The following PLCG2 variants were observed in gnomAD, a reference collection of about 807,000 sequenced individuals.
PLCG2 encodes 1-phosphatidylinositol 4,5-bisphosphate phosphodiesterase gamma-2.
A neutral mutation model predicts 175.6 loss-of-function variants in PLCG2; 69 were observed. The ratio of observed to expected loss-of-function variants is 0.39; its 90% confidence interval spans 0.32 to 0.48. The LOEUF (loss-of-function observed/expected upper bound fraction) is 0.48. PLCG2 is among the 20% of genes least tolerant of loss of function. PLCG2 has a pLI of 0.91. For missense variants in PLCG2, 1,798 were observed against 1,650.9 expected (o/e 1.09, Z -1.54); for synonymous variants, 827 against 624.0 (o/e 1.33, Z -4.85).
At chr16:81,926,723 C>G (rs1036880329) in intron 22 of PLCG2, among the ~76,000 whole-genome samples, 6 of 152,148 alleles carry the variant, frequency 3.9e-5, no homozygotes, top group African/African-American at 1.4e-4. Flanking sequence ...GCCTGTCTGC[C>G]TCCAGAACCA....
chr16:81,739,093 C>T (rs1909526267), upstream of PLCG2: 1 of 151,962 alleles, frequency 6.6e-6, no homozygotes, highest in Non-Finnish European at 1.5e-5. Context: ...GCCGTCGGGC[C>T]TTCTCCCTCC....
chr16:81,805,802 GTTA>G (rs778100667), intron 2 of PLCG2, among the ~76,000 whole-genome samples: 10 of 64,500 alleles, frequency 1.6e-4, no homozygotes, highest in Non-Finnish European at 1.9e-4. Flanking sequence ...TTTTTTTGCT[GTTA>G]TTGTTGTTTT....
chr16:81,940,203 T>A, intron 30 of PLCG2, 144 bp downstream of exon 30: 1 of 617,480 alleles, frequency 1.6e-6, no homozygotes, highest in Non-Finnish European at 2.7e-6. Flanking sequence ...GGAGAGCAGG[T>A]GTACAGCCTG....
chr16:81,776,393 G>A (rs1051768491), upstream of PLCG2, among the ~76,000 whole-genome samples: 2 of 151,970 alleles, frequency 1.3e-5, no homozygotes, highest in Non-Finnish European at 1.5e-5. Flanking sequence ...ACAGGCGTGA[G>A]CCACCGCGCC....
At chr16:81,871,235 C>G (rs28489594) in intron 7 of PLCG2, among the ~76,000 whole-genome samples, 1 of 152,206 alleles carries the variant, frequency 6.6e-6, no homozygotes, top group Non-Finnish European at 1.5e-5. Flanking sequence ...GTGCAACTCA[C>G]TCTACTGCAT....
chr16:81,771,112 C>A (rs1360257756), intron 2 of PLCG2, among the ~76,000 whole-genome samples: 2 of 151,922 alleles, frequency 1.3e-5, no homozygotes, highest in African/African-American at 4.8e-5. Flanking sequence ...AAGTACAGAG[C>A]TCAGTACATT....
intron 2 of PLCG2, among the ~76,000 whole-genome samples, chr16:81,772,275 G>A (rs911916084): frequency 6.6e-6 from 1 of 152,092 alleles, no homozygotes; most frequent in African/African-American, 2.4e-5. Context: ...GCCAAGGAGC[G>A]CATGATCACC....
chr16:81,778,029 AAAC>A (rs1567457697), upstream of PLCG2, among the ~76,000 whole-genome samples: 16 of 43,908 alleles, frequency 3.6e-4, no homozygotes, highest in South Asian at 1.7e-3. Flanking sequence ...AAAAAAAAAA[AAAC>A]AAAAAAAAAA....
intron 31 of PLCG2, 52 bp downstream of exon 31, chr16:81,946,315 G>A (rs1911147553): frequency 7.7e-7 from 1 of 1,301,702 alleles, no homozygotes; most frequent in Non-Finnish European, 1.1e-6. Flanking sequence ...CTGCTGGTGA[G>A]GGTAGAAACG....
intron 2 of PLCG2, among the ~76,000 whole-genome samples, chr16:81,821,869 A>AT: frequency 6.8e-6 from 1 of 147,604 alleles, no homozygotes; most frequent in Non-Finnish European, 1.5e-5. Context: ...CAGATCCAAG[A>AT]TGTTTTTTTT....
chr16:81,787,357 G>C (rs974806910), intron 2 of PLCG2, among the ~76,000 whole-genome samples: 1 of 150,322 alleles, frequency 6.7e-6, no homozygotes, highest in Admixed American at 6.7e-5. Context: ...AAGTAGCTGG[G>C]ACCATGGGAA....
intron 5 of PLCG2, among the ~76,000 whole-genome samples, chr16:81,865,844 C>T (rs112485612): frequency 0.091 from 13,008 of 143,158 alleles, 497 homozygotes; most frequent in Non-Finnish European, 0.13. Context: ...CCCTTGCTCC[C>T]AGGGTGAGCT....
intron 19 of PLCG2, among the ~76,000 whole-genome samples, chr16:81,915,657 G>T (rs904429943): frequency 6.6e-6 from 1 of 152,134 alleles, no homozygotes; most frequent in African/African-American, 2.4e-5. Context: ...GCTAATAGAC[G>T]ATGATCCTAA....
chr16:81,908,326 C>G (rs1567527364), intron 16 of PLCG2, 90 bp from the exon 17 acceptor site: 10 of 1,236,318 alleles, frequency 8.1e-6, no homozygotes, highest in South Asian at 7.0e-5. Flanking sequence ...TATCTGGTAC[C>G]CTGGGTCAGG....
chr16:81,924,341 T>G (rs955661614), intron 22 of PLCG2, among the ~76,000 whole-genome samples: 1 of 152,252 alleles, frequency 6.6e-6, no homozygotes, highest in African/African-American at 2.4e-5. Context: ...GGACCTGGCT[T>G]AGGAATCTGA....
At chr16:81,896,028 C>G (rs1908870540) in intron 13 of PLCG2, 101 bp downstream of exon 13, 6 of 1,432,116 alleles carry the variant, frequency 4.2e-6, no homozygotes, top group Non-Finnish European at 5.8e-6. Context: ...ACACCTCCCT[C>G]CAAATGCGGG....
At chr16:81,864,305 A>G (rs925177323) in intron 5 of PLCG2, among the ~76,000 whole-genome samples, 2 of 152,178 alleles carry the variant, frequency 1.3e-5, no homozygotes, top group African/African-American at 4.8e-5. Context: ...CCAGCAGGGC[A>G]CCCCTCACCA....
At chr16:81,929,447 G>C (rs1910411015) in intron 24 of PLCG2, among the ~76,000 whole-genome samples, 1 of 152,228 alleles carries the variant, frequency 6.6e-6, no homozygotes, top group African/African-American at 2.4e-5. Flanking sequence ...CCAGGCTGGA[G>C]TGCAGTGGCG....
intron 30 of PLCG2, among the ~76,000 whole-genome samples, chr16:81,940,460 G>GC (rs966151907): frequency 6.8e-6 from 1 of 145,994 alleles, no homozygotes; most frequent in Non-Finnish European, 1.6e-5. Context: ...GGCATCTTGG[G>GC]GGGGGAGTAA....
Sources: allele counts gnomAD v4.1 joint callset (sites outside exome capture counted in the v4.1 genomes callset), GRCh38; gene constraint gnomAD v4.1.1; transcripts MANE v1.5; gene names NCBI Gene and HGNC (gene_info 2026-07-23, HGNC 2026-07-21).